CLSTN2: variants seen among roughly 807,000 people sequenced by gnomAD.
CLSTN2 encodes the protein calsyntenin-2.
A neutral mutation model predicts 101.2 loss-of-function variants in CLSTN2; 48 were observed. The ratio of observed to expected loss-of-function variants is 0.47; its 90% CI spans 0.38 to 0.60. CLSTN2 has a LOEUF of 0.60. CLSTN2 is among the 20% of genes least tolerant of loss of function. CLSTN2 has a pLI of 0.00. For synonymous variants in CLSTN2, 481 were observed against 463.6 expected (o/e 1.04, Z -0.48); for missense variants, 1,160 against 1,238.2 (o/e 0.94, Z 0.95).
At chr3:140,260,183 C>A (rs2086639571) in intron 2 of CLSTN2, among the ~76,000 whole-genome samples, 1 of 148,892 alleles carries the variant, frequency 6.7e-6, no homozygotes, top group Non-Finnish European at 1.5e-5. Context: ...GTACACCATA[C>A]AAAATTAAAA....
intron 2 of CLSTN2, among the ~76,000 whole-genome samples, chr3:140,201,466 A>G (rs1023273233): frequency 6.6e-6 from 1 of 152,146 alleles, no homozygotes; most frequent in East Asian, 1.9e-4. Context: ...GTTCACTGAC[A>G]GCTGGGATCT....
Position 140,568,465 on chromosome 3 carries a change from C to A in CLSTN2, c.*2212C>A, listed in dbSNP as rs1985381622. On this transcript the variant is annotated 3_prime_UTR_variant, in exon 17 of 17. Transcript: ENST00000458420. ...GAAACAGATATTTCTCCTGGGAATT[C>A]TCCCAACCAAATAGCCCTTTTCTAT... 1.3e-5 allele frequency: 2 copies of A among 152,212 alleles called. No homozygotes were observed. The highest frequency in any genetic ancestry group is 4.1e-4 in the South Asian group (2 of 4,824). The allele number at this position is 152,212 out of a possible 1,614,324, so 9.4% of individuals were successfully genotyped here.
In CLSTN2 at chr3:140,558,815, A is replaced by G. The variant is rs1421881861; in HGVS notation, c.1999A>G (p.Thr667Ala). The G allele has an allele frequency of 2.5e-6, 4 of 1,613,862 alleles. No individual in the cohort carries two copies. The highest frequency in any genetic ancestry group is 3.4e-6 in the Non-Finnish European group (4 of 1,179,986). ...TLFPDIKIVS[T>A]FAKTEAPGDV... is the part of the protein sequence containing the mutation. The stretch of plus-strand genomic sequence containing the variant: ...CTTCCCTGATATCAAGATTGTGAGC[A>G]CCTTCGCCAAAACCGAAGCCCCCGG... The change falls in exon 12 of 17, where the codon ACC (threonine) becomes GCC (alanine). Residue 667 changes from threonine (T) to alanine (A), a missense_variant. Physicochemically the swap from Thr to Ala is moderately conservative, Grantham distance 58 (BLOSUM62 0). Coordinates refer to ENST00000458420, the MANE Select transcript of CLSTN2 (RefSeq NM_022131.3).
intron 2 of CLSTN2, among the ~76,000 whole-genome samples, chr3:140,178,152 A>T (rs960486668): frequency 1.2e-4 from 19 of 152,226 alleles, no homozygotes; most frequent in Non-Finnish European, 4.4e-5. Flanking sequence ...TCCTGTTCTC[A>T]TCTAATAGTG....
chr3:140,364,013 C>A (rs2087758126), intron 2 of CLSTN2, among the ~76,000 whole-genome samples: 1 of 152,232 alleles, frequency 6.6e-6, no homozygotes, highest in Non-Finnish European at 1.5e-5. Flanking sequence ...GGCCAGCACA[C>A]ACTCCCTGTG....
At position 140,291,070 on chromosome 3, in the gene CLSTN2, C is replaced by T. The variant is rs114007588; in HGVS notation, c.233-112559C>T. 8.7e-4 allele frequency among the ~76,000 whole-genome samples: 133 copies of T among 152,296 alleles called. 1 individual carries two copies. Among genetic ancestry groups the T allele is most frequent in the African/African-American group, 3.1e-3 (128 of 41,562 alleles). On this transcript the variant is annotated intron_variant, in intron 2 of 16. Coordinates refer to ENST00000458420, the MANE Select transcript of CLSTN2 (RefSeq NM_022131.3). ...ATCCCTACCATCCTTCTCAGCAAAA[C>T]ATTACTCATCTCTCTGAACACCAGA...
chr3:140,436,110 C>T (rs771544757), intron 5 of CLSTN2, among the ~76,000 whole-genome samples: 13 of 152,138 alleles, frequency 8.5e-5, no homozygotes, highest in African/African-American at 3.1e-4. Context: ...ACCTTGTGAA[C>T]ATGTTGCCTG....
intron 2 of CLSTN2, among the ~76,000 whole-genome samples, chr3:140,313,063 A>G (rs1245725454): frequency 1.3e-5 from 2 of 152,208 alleles, no homozygotes; most frequent in Non-Finnish European, 1.5e-5. Flanking sequence ...TGAATCAAGT[A>G]ATGTGCCATT....
intron 2 of CLSTN2, among the ~76,000 whole-genome samples, chr3:140,284,174 A>G (rs891783920): frequency 6.6e-6 from 1 of 152,234 alleles, no homozygotes; most frequent in African/African-American, 2.4e-5. Context: ...TACAGCAATG[A>G]CATGTGAAAT....
chr3:140,047,882 A>G (rs6793464), intron 1 of CLSTN2, among the ~76,000 whole-genome samples: 110,541 of 152,194 alleles, frequency 0.73, 41,573 homozygotes, highest in South Asian at 0.86. Context: ...CTGCCACAAT[A>G]GAGATTAAGT....
At chr3:140,215,612 T>C (rs2010909895) in intron 2 of CLSTN2, among the ~76,000 whole-genome samples, 1 of 152,278 alleles carries the variant, frequency 6.6e-6, no homozygotes, top group East Asian at 1.9e-4. Context: ...ATGCCAGGCA[T>C]ACAGTAAACA....
chr3:140,015,194 A>C (rs182302921), intron 1 of CLSTN2, among the ~76,000 whole-genome samples: 1 of 152,296 alleles, frequency 6.6e-6, no homozygotes, highest in East Asian at 1.9e-4. Flanking sequence ...ATCTGCCCTA[A>C]CTTTGCCCTG....
At chr3:140,257,123 A>G (rs2086610542) in intron 2 of CLSTN2, among the ~76,000 whole-genome samples, 1 of 152,214 alleles carries the variant, frequency 6.6e-6, no homozygotes, top group Non-Finnish European at 1.5e-5. Flanking sequence ...GTGACTGAAA[A>G]GGGATATTAA....
chr3:140,246,488 C>G (rs2086518749), intron 2 of CLSTN2, among the ~76,000 whole-genome samples: 1 of 152,128 alleles, frequency 6.6e-6, no homozygotes, highest in African/African-American at 2.4e-5. Flanking sequence ...CACTTAGAAG[C>G]TGTACACACT....
intron 4 of CLSTN2, among the ~76,000 whole-genome samples, chr3:140,407,922 G>A (rs1047341034): frequency 1.3e-5 from 2 of 152,276 alleles, no homozygotes; most frequent in Non-Finnish European, 1.5e-5. Context: ...AGGATGCATG[G>A]CAGTGATGTT....
chr3:140,326,543 A>T (rs1215261255), intron 2 of CLSTN2, among the ~76,000 whole-genome samples: 1 of 152,194 alleles, frequency 6.6e-6, no homozygotes, highest in Non-Finnish European at 1.5e-5. Context: ...TTCCAAACTG[A>T]ATTTGGAGGT....
chr3:140,240,392 T>C (rs2086457276), intron 2 of CLSTN2, among the ~76,000 whole-genome samples: 1 of 149,044 alleles, frequency 6.7e-6, no homozygotes, highest in Non-Finnish European at 1.5e-5. Context: ...AAAAAAGTCA[T>C]GGGACAACGT....
At chr3:140,389,989 A>G (rs1330037001) in intron 2 of CLSTN2, among the ~76,000 whole-genome samples, 1 of 152,100 alleles carries the variant, frequency 6.6e-6, no homozygotes, top group African/African-American at 2.4e-5. Context: ...CTATTTTCTA[A>G]AAACAAATTA....
At chr3:140,067,874 G>T (rs2008324506) in intron 1 of CLSTN2, among the ~76,000 whole-genome samples, 1 of 152,194 alleles carries the variant, frequency 6.6e-6, no homozygotes, top group African/African-American at 2.4e-5. Flanking sequence ...AAAAAAAGTA[G>T]TAATGTGCAT....
Sources: allele counts gnomAD v4.1 joint callset (sites outside exome capture counted in the v4.1 genomes callset), GRCh38; gene constraint gnomAD v4.1.1; transcripts MANE v1.5; gene names NCBI Gene and HGNC (gene_info 2026-07-23, HGNC 2026-07-21).